Variants in CLEC4C observed in about 807,000 individuals in gnomAD.
CLEC4C encodes C-type (calcium dependent, carbohydrate-recognition domain) lectin, superfamily member 11.
A neutral mutation model predicts 27.7 loss-of-function variants in CLEC4C; 17 were observed. The observed-to-expected ratio is 0.61, with a 90% CI of 0.42 to 0.92. The LOEUF (loss-of-function observed/expected upper bound fraction) is 0.92, where lower values mean the gene tolerates loss of function less well. Among genes scored for constraint, CLEC4C ranks in the 40% least tolerant of loss-of-function variants. The probability of loss-of-function intolerance (pLI) is 0.00; values close to 1 mark genes in which losing one functional copy is unlikely to be tolerated. For missense variants in CLEC4C, 244 were observed against 257.3 expected (o/e 0.95, Z 0.35); for synonymous variants, 80 against 80.8 (o/e 0.99, Z 0.06).
At chr12:7,743,480 G>A (rs887608832) in intron 2 of CLEC4C, among the ~76,000 whole-genome samples, 5 of 151,770 alleles carry the variant, frequency 3.3e-5, no homozygotes, top group South Asian at 2.1e-4. Context: ...CGCCTCCTGG[G>A]TTCATGCCAT....
At chr12:7,740,790 G>A (rs1397439475) in intron 3 of CLEC4C, among the ~76,000 whole-genome samples, 1 of 151,888 alleles carries the variant, frequency 6.6e-6, no homozygotes, top group African/African-American at 2.4e-5. Flanking sequence ...GATGGGAGCA[G>A]GAGGAAGTGA....
intron 5 of CLEC4C, among the ~76,000 whole-genome samples, chr12:7,730,225 C>T (rs1864563973): frequency 6.6e-6 from 1 of 152,174 alleles, no homozygotes; most frequent in African/African-American, 2.4e-5. Context: ...TTTAATTTCC[C>T]TGATTCTCAG....
chr12:7,739,076 C>T (rs1437173234), intron 3 of CLEC4C, among the ~76,000 whole-genome samples: 1 of 150,928 alleles, frequency 6.6e-6, no homozygotes, highest in Admixed American at 6.7e-5. Context: ...CATCTTTTTA[C>T]CTCTCACAGT....
chr12:7,732,418 C>T (rs914317611), intron 4 of CLEC4C, among the ~76,000 whole-genome samples: 4 of 151,044 alleles, frequency 2.6e-5, no homozygotes, highest in African/African-American at 9.8e-5. Context: ...GTGGTGTGAT[C>T]TCGGCTCACT....
chr12:7,731,809 ATTC>A (rs1309596421), intron 4 of CLEC4C, among the ~76,000 whole-genome samples: 1 of 152,054 alleles, frequency 6.6e-6, no homozygotes, highest in Non-Finnish European at 1.5e-5. Context: ...CTCCTAATAT[ATTC>A]TTCTTGTAAA....
chr12:7,729,470 T>G lies in CLEC4C; in HGVS notation c.*126A>C. On this transcript the variant is annotated 3_prime_UTR_variant, in exon 6 of 6. Coordinates refer to ENST00000360345, the MANE Select transcript of CLEC4C (RefSeq NM_001371390.1). The stretch of plus-strand genomic sequence containing the variant: ...TGGATTATATCATAAGTGTAATAGG[T>G]GACAGCCTGCTGAAACATTTTAGGG... The G allele has an allele frequency of 1.3e-6, 1 of 744,312 alleles. No individual in the cohort carries two copies. The highest frequency in any genetic ancestry group is 2.5e-5 in the Admixed American group (1 of 39,504). The allele number at this position is 744,312 out of a possible 1,614,324, so 46.1% of individuals were successfully genotyped here.
chr12:7,731,060 G>A (rs1864585551), intron 4 of CLEC4C, 148 bp from the exon 5 acceptor site: 3 of 509,652 alleles, frequency 5.9e-6, no homozygotes, highest in South Asian at 2.0e-5. Context: ...CAGACAGAAA[G>A]AGCAGACAGC....
chr12:7,746,672 C>G (rs1486275477), intron 1 of CLEC4C, among the ~76,000 whole-genome samples: 1 of 152,196 alleles, frequency 6.6e-6, no homozygotes, highest in African/African-American at 2.4e-5. Flanking sequence ...TCCTTACTCT[C>G]TTTTCCCTTG....
At chr12:7,745,508 C>T (rs906916173) in intron 2 of CLEC4C, among the ~76,000 whole-genome samples, 1 of 137,416 alleles carries the variant, frequency 7.3e-6, no homozygotes, top group Non-Finnish European at 1.5e-5. Flanking sequence ...TCTCGGCTCA[C>T]TGCAACCTCT....
rs200135750 is a variant in CLEC4C, at chr12:7,742,716, A to AG, written c.125-1186dup. 3.7e-3 allele frequency among the ~76,000 whole-genome samples: 557 copies of AG among 152,120 alleles called. 3 individuals are homozygous for AG. The highest frequency in any genetic ancestry group is 0.014 in the Middle Eastern group (4 of 292). ...TCCCAGCTACTCAGGAGGCTGAGGC[A>AG]GGAGAATCACTTCGACCTGGGAGGC... On this transcript the variant is annotated intron_variant, in intron 2 of 5. Transcript: ENST00000360345.
chr12:7,738,809 G>A (rs1256719653), intron 3 of CLEC4C, among the ~76,000 whole-genome samples: 2 of 151,590 alleles, frequency 1.3e-5, no homozygotes, highest in Non-Finnish European at 2.9e-5. Context: ...GGCCTCCTAT[G>A]ATAGTTTTGT....
chr12:7,747,387 G>T (rs372609302), upstream of CLEC4C: 21 of 1,605,806 alleles, frequency 1.3e-5, no homozygotes, highest in Non-Finnish European at 1.8e-5. Flanking sequence ...TCTATCAGGT[G>T]GGTGCAGAAG....
At chr12:7,730,349 A>G (rs1287252881) in intron 5 of CLEC4C, among the ~76,000 whole-genome samples, 1 of 149,350 alleles carries the variant, frequency 6.7e-6, no homozygotes, top group Non-Finnish European at 1.5e-5. Flanking sequence ...TTGTAAAGAA[A>G]TACATAAATG....
upstream of CLEC4C, chr12:7,747,625 TGA>T: frequency 3.3e-6 from 1 of 305,174 alleles, no homozygotes; most frequent in Non-Finnish European, 6.0e-6. Flanking sequence ...GTTGCAGGTC[TGA>T]TTGTCTTTTT....
Position 7,732,949 on chromosome 12 carries a change from C to A in CLEC4C, c.382-2037G>T, listed in dbSNP as rs1005285730. Among the ~76,000 whole-genome samples, 4 of 151,924 alleles carry A rather than the reference C, an allele frequency of 2.6e-5. No individual in the cohort carries two copies. The Middle Eastern group carries it at 0.014, about 520-fold the overall frequency. On this transcript the variant is annotated intron_variant, in intron 4 of 5. Transcript: ENST00000360345. The stretch of plus-strand genomic sequence containing the variant: ...GGCGACAGAGGGACAGAGCAACATT[C>A]TGTCTCAAAAAATAAAATAAAGATA...
intron 4 of CLEC4C, among the ~76,000 whole-genome samples, chr12:7,736,554 C>A (rs2120389570): frequency 6.6e-6 from 1 of 152,004 alleles, no homozygotes; most frequent in Admixed American, 6.6e-5. Flanking sequence ...AATTAAAATT[C>A]TTCAGGATCA....
chr12:7,735,542 C>T (rs1420112980), intron 4 of CLEC4C, among the ~76,000 whole-genome samples: 3 of 144,992 alleles, frequency 2.1e-5, no homozygotes, highest in African/African-American at 7.7e-5. Context: ...CACGGTGGCT[C>T]ACGCCTGTAA....
At chr12:7,745,948 G>A (rs956925768) in intron 2 of CLEC4C, among the ~76,000 whole-genome samples, 2 of 151,536 alleles carry the variant, frequency 1.3e-5, no homozygotes, top group South Asian at 2.1e-4. Flanking sequence ...GGGCGCGGTG[G>A]CTCACACCTG....
chr12:7,740,626 G>C (rs1445912243), intron 3 of CLEC4C, among the ~76,000 whole-genome samples: 1 of 151,710 alleles, frequency 6.6e-6, no homozygotes, highest in African/African-American at 2.4e-5. Context: ...GCTTGAACCT[G>C]GGAGGCAGAG....
Sources: allele counts gnomAD v4.1 joint callset (sites outside exome capture counted in the v4.1 genomes callset), GRCh38; gene constraint gnomAD v4.1.1; transcripts MANE v1.5; gene names NCBI Gene and HGNC (gene_info 2026-07-23, HGNC 2026-07-21).